Variants in SNX13 observed in about 807,000 individuals in gnomAD.
SNX13 encodes sorting nexin 13.
Under a neutral mutation model 133.6 loss-of-function variants are expected in SNX13, and 45 were observed. The observed-to-expected ratio is 0.34, with a 90% CI of 0.27 to 0.43. The LOEUF is 0.43. SNX13 is among the 20% of genes least tolerant of loss of function. SNX13 has a pLI of 1.00. For missense variants in SNX13, 1,032 were observed against 1,145.1 expected, an observed-to-expected ratio of 0.90 and a Z score of 1.43; for synonymous variants, 414 against 373.9, an observed-to-expected ratio of 1.11 and a Z score of -1.24.
At position 17,849,660 on chromosome 7, in the gene SNX13, T is replaced by TAG. The variant is rs564512534; in HGVS notation, c.1065+685_1065+686dup. The stretch of plus-strand genomic sequence containing the variant: ...TTCTATGACTTCATTCCTAGCACAA[T>TAG]AGCTCATTCATTCCATACCAACCAC... On this transcript the variant is annotated intron_variant, in intron 11 of 25. Transcript: ENST00000428135. Among the ~76,000 whole-genome samples the TAG allele has an allele frequency of 1.4e-4, 22 of 152,268 alleles. 1 individual carries two copies. In the East Asian group the frequency reaches 4.2e-3, roughly 29 times the overall value.
chr7:17,852,017 G>T (rs1791270141), intron 9 of SNX13, among the ~76,000 whole-genome samples: 1 of 152,124 alleles, frequency 6.6e-6, no homozygotes, highest in Admixed American at 6.5e-5. Context: ...ACTGAGAAAG[G>T]CCAAAAACGT....
At chr7:17,801,526 A>G (rs1784646625) in intron 22 of SNX13, 62 bp downstream of exon 22, 1 of 1,302,252 alleles carries the variant, frequency 7.7e-7, no homozygotes, top group Admixed American at 2.2e-5. Context: ...TTCATTAAAA[A>G]GTTAAAAAGA....
Position 17,831,368 on chromosome 7 carries a change from T to C in SNX13, c.1598-1321A>G, listed in dbSNP as rs534509574. On this transcript the variant is annotated intron_variant, in intron 15 of 25. Transcript: ENST00000428135. The stretch of plus-strand genomic sequence containing the variant: ...GTTTTAAAAGCCTATGAGACTGTTT[T>C]AATAAAGGAGAAAATATCTACTTTT... 408 of 845,240 alleles carry C rather than the reference T, an allele frequency of 4.8e-4. 2 individuals are homozygous for C. In the Middle Eastern group the frequency reaches 5.0e-3, roughly 10 times the overall value. 52.4% of individuals were successfully genotyped at this position (845,240 alleles called of 1,614,324 possible). A position where few individuals can be genotyped will look rare whatever the true frequency, so the allele number is the denominator to read the frequency against.
chr7:17,839,727 A>G, intron 13 of SNX13, 80 bp downstream of exon 13: 5 of 1,134,572 alleles, frequency 4.4e-6, no homozygotes, highest in East Asian at 2.7e-5. Context: ...CGAGGTAGTC[A>G]GCCTGGCATA....
chr7:17,815,065 TA>T, intron 19 of SNX13, 121 bp from the exon 20 acceptor site: 1 of 1,146,952 alleles, frequency 8.7e-7, no homozygotes, highest in Non-Finnish European at 1.1e-6. Flanking sequence ...TATTGATTTA[TA>T]TTTTTAAAAA....
chr7:17,914,166 C>T (rs1207111542), intron 1 of SNX13, among the ~76,000 whole-genome samples: 2 of 150,092 alleles, frequency 1.3e-5, no homozygotes, highest in African/African-American at 4.9e-5. Flanking sequence ...GCAAATCCAC[C>T]CAGTCAGACA....
intron 11 of SNX13, among the ~76,000 whole-genome samples, chr7:17,849,341 T>C (rs1790928144): frequency 6.6e-6 from 1 of 152,202 alleles, no homozygotes; most frequent in African/African-American, 2.4e-5. Context: ...ATTAGCACTA[T>C]ATCCAGTCTC....
intron 12 of SNX13, among the ~76,000 whole-genome samples, chr7:17,843,717 T>A (rs1275430401): frequency 6.6e-6 from 1 of 152,058 alleles, no homozygotes; most frequent in Non-Finnish European, 1.5e-5. Context: ...ATGCAAAGTA[T>A]CTTCTCCAAC....
At chr7:17,871,495 T>C (rs542428425) in intron 8 of SNX13, among the ~76,000 whole-genome samples, 26 of 152,292 alleles carry the variant, frequency 1.7e-4, no homozygotes, top group Non-Finnish European at 3.4e-4. Flanking sequence ...CTGTTCATCT[T>C]TTCATTGCAG....
At position 17,805,255 on chromosome 7, in the gene SNX13, GCGCGCGCGCGCA is replaced by G. The variant is rs1242277903; in HGVS notation, c.2065-1687_2065-1676del. On this transcript the variant is annotated intron_variant, in intron 20 of 25. Transcript: ENST00000428135. ...TGTGTGTGTGTGTGTGTGTGTGCGT[GCGCGCGCGCGCA>G]TGCATGCACATGTGTAATTCTAATT... Among the ~76,000 whole-genome samples the G allele has an allele frequency of 3.1e-3, 266 of 86,766 alleles. 1 individual carries two copies. Among genetic ancestry groups the G allele is most frequent in the Middle Eastern group, 5.2e-3 (1 of 192 alleles). The allele number at this position is 86,766 out of a possible 152,430, so 56.9% of individuals were successfully genotyped here.
At chr7:17,795,079 C>A (rs1783903197) in intron 25 of SNX13, 1 of 151,292 alleles carries the variant, frequency 6.6e-6, no homozygotes. Context: ...AAAGCATGCT[C>A]AAGAAATAGG....
chr7:17,830,537 G>GATT (rs888854913), intron 15 of SNX13: 225 of 983,710 alleles, frequency 2.3e-4, no homozygotes, highest in Non-Finnish European at 2.6e-4. Context: ...CTTGGTGGTA[G>GATT]ATTATCTTGA....
chr7:17,895,483 T>C (rs1000978098), intron 2 of SNX13, among the ~76,000 whole-genome samples: 25 of 152,144 alleles, frequency 1.6e-4, no homozygotes, highest in African/African-American at 5.8e-4. Flanking sequence ...GAATAAACTA[T>C]GCAAGTTAAA....
intron 25 of SNX13, 162 bp from the exon 26 acceptor site, chr7:17,794,454 T>A (rs962377982): frequency 1.3e-6 from 1 of 795,222 alleles, no homozygotes; most frequent in Non-Finnish European, 1.9e-6. Context: ...TTAATATGCA[T>A]CTTTGCATGC....
intron 2 of SNX13, among the ~76,000 whole-genome samples, chr7:17,893,718 T>TA (rs1363492894): frequency 6.6e-6 from 1 of 152,190 alleles, no homozygotes; most frequent in Non-Finnish European, 1.5e-5. Flanking sequence ...CTCATGCCTG[T>TA]AATCCCAGCA....
At chr7:17,813,863 G>C (rs1483789531) in intron 20 of SNX13, among the ~76,000 whole-genome samples, 1 of 152,096 alleles carries the variant, frequency 6.6e-6, no homozygotes, top group Non-Finnish European at 1.5e-5. Context: ...TGGGATTACA[G>C]GCATGAGCCA....
intron 8 of SNX13, among the ~76,000 whole-genome samples, chr7:17,871,314 T>C (rs913821293): frequency 1.3e-5 from 2 of 152,102 alleles, no homozygotes; most frequent in Middle Eastern, 3.2e-3. Flanking sequence ...CAAGGAATCA[T>C]TCTTAACAGA....
In SNX13 at chr7:17,873,605, C is replaced by T. The variant is rs997088497; in HGVS notation, c.676G>A (p.Asp226Asn). Residue 226 changes from aspartate (D) to asparagine (N), a missense_variant, in exon 8 of 26, where the codon GAT becomes AAT. By Grantham distance (23) the Asp-to-Asn change is conservative. Coordinates refer to ENST00000428135, the MANE Select transcript of SNX13 (RefSeq NM_015132.5). ...AAATATAGTAAGACCTCACACAAAT[C>T]CCTTAGGAATCCTAAAAGTAGAAAA... ...SPKDEEGFLR[D>N]LCEVLLYLLL... 1.6e-5 allele frequency: 25 copies of T among 1,561,134 alleles called. No homozygotes were observed. Among genetic ancestry groups the T allele is most frequent in the Non-Finnish European group, 2.2e-5 (25 of 1,154,384 alleles).
intron 16 of SNX13, among the ~76,000 whole-genome samples, chr7:17,829,642 C>A (rs1319336081): frequency 1.3e-5 from 2 of 151,164 alleles, no homozygotes; most frequent in African/African-American, 4.8e-5. Flanking sequence ...AAACTGATTC[C>A]AATATAAACA....
Sources: gnomAD v4.1 joint callset for allele counts (sites outside exome capture counted in the v4.1 genomes callset) on GRCh38, gnomAD v4.1.1 for gene constraint, MANE v1.5 for transcripts, NCBI Gene and HGNC (gene_info 2026-07-23, HGNC 2026-07-21) for gene names.